The following OXCT1 variants were observed in gnomAD, a reference collection of about 807,000 sequenced individuals.
OXCT1 encodes the protein 3-oxoacid CoA-transferase 1.
OXCT1 carries 27 observed loss-of-function variants against 69.6 expected under a neutral mutation model. The observed-to-expected ratio is 0.39, with a 90% CI of 0.29 to 0.54. OXCT1 has a LOEUF of 0.54. Among genes scored for constraint, OXCT1 ranks in the 20% least tolerant of loss-of-function variants. OXCT1 has a pLI of 0.72. For synonymous variants in OXCT1, 202 were observed against 217.8 expected (o/e 0.93, Z 0.64); for missense variants, 437 against 650.2 (o/e 0.67, Z 3.57).
chr5:41,829,928 G>T (rs1277944067), intron 7 of OXCT1, among the ~76,000 whole-genome samples: 3 of 152,100 alleles, frequency 2.0e-5, no homozygotes, highest in Non-Finnish European at 4.4e-5. Context: ...GGAAACGAAT[G>T]AATTGTCTTT....
At chr5:41,769,886 G>A (rs956230575) in intron 13 of OXCT1, among the ~76,000 whole-genome samples, 11 of 152,154 alleles carry the variant, frequency 7.2e-5, no homozygotes, top group Non-Finnish European at 1.3e-4. Context: ...AGCCTCCCAA[G>A]TAGCTGGGGT....
At chr5:41,777,144 G>A (rs755170543) in intron 13 of OXCT1, among the ~76,000 whole-genome samples, 1 of 152,172 alleles carries the variant, frequency 6.6e-6, no homozygotes, top group Non-Finnish European at 1.5e-5. Flanking sequence ...GGGGCCGGGT[G>A]CGGTGGCTTA....
intron 7 of OXCT1, among the ~76,000 whole-genome samples, chr5:41,822,619 G>A (rs1171838022): frequency 6.6e-5 from 10 of 152,010 alleles, no homozygotes; most frequent in Non-Finnish European, 1.0e-4. Flanking sequence ...AATTACAGGC[G>A]TGTGCCACCA....
intron 13 of OXCT1, among the ~76,000 whole-genome samples, chr5:41,768,279 G>T (rs1744713054): frequency 6.6e-6 from 1 of 152,130 alleles, no homozygotes; most frequent in African/African-American, 2.4e-5. Context: ...AACCTTGCAA[G>T]AACAATCCTC....
In OXCT1 at chr5:41,799,003, C is replaced by T. The variant is rs1172802448; in HGVS notation, c.1099+2019G>A. ...GTATAACAAGGTTTCATTTGAGGTT[C>T]CAATGGTATAATACATGTGAAAAAG... is the stretch of plus-strand genomic sequence containing the variant. On this transcript the variant is annotated intron_variant, in intron 11 of 16. Transcript: ENST00000196371. Among the ~76,000 whole-genome samples the T allele has an allele frequency of 2.6e-5, 4 of 152,110 alleles. No individual in the cohort carries two copies. The South Asian group carries it at 8.3e-4, about 32-fold the overall frequency.
intron 14 of OXCT1, among the ~76,000 whole-genome samples, chr5:41,761,295 T>A (rs1744334373): frequency 6.6e-6 from 1 of 152,134 alleles, no homozygotes; most frequent in South Asian, 2.1e-4. Context: ...AGAGTTCTAC[T>A]AGTTCTAACA....
chr5:41,856,048 A>G (rs1055128575), intron 3 of OXCT1, among the ~76,000 whole-genome samples: 3 of 152,226 alleles, frequency 2.0e-5, no homozygotes, highest in African/African-American at 7.2e-5. Flanking sequence ...AGGCAGGACC[A>G]GTTGTGATCA....
rs3050894 is a variant in OXCT1, at chr5:41,859,864, A to AATATATATAT, written c.278+1440_278+1449dup. ...AACTATTATACCTGACTAGTATAGT[A>AATATATATAT]ATATATATATATATATATATATGTA... On this transcript the variant is annotated intron_variant, in intron 3 of 16. Coordinates refer to ENST00000196371, the MANE Select transcript of OXCT1 (RefSeq NM_000436.4). 3.2e-3 allele frequency among the ~76,000 whole-genome samples: 379 copies of AATATATATAT among 120,066 alleles called. 8 individuals carry two copies. The highest frequency in any genetic ancestry group is 4.5e-3 in the Non-Finnish European group (257 of 56,532). 78.8% of individuals were successfully genotyped at this position (120,066 alleles called of 152,430 possible).
intron 13 of OXCT1, among the ~76,000 whole-genome samples, chr5:41,777,828 C>T (rs1382061005): frequency 2.6e-5 from 4 of 152,176 alleles, no homozygotes; most frequent in African/African-American, 7.2e-5. Flanking sequence ...GCAGAAGTTA[C>T]ATTCAGGATG....
intron 14 of OXCT1, among the ~76,000 whole-genome samples, chr5:41,760,650 AAAGAGTTTTTTCC>A (rs1465911394): frequency 3.3e-4 from 50 of 152,286 alleles, no homozygotes; most frequent in Middle Eastern, 6.8e-3. Context: ...AGAAAGTCTG[AAAGAGTTTTTTCC>A]AAATAGACAT....
intron 13 of OXCT1, among the ~76,000 whole-genome samples, chr5:41,771,558 G>T (rs1184591195): frequency 2.6e-5 from 4 of 152,154 alleles, no homozygotes; most frequent in Non-Finnish European, 2.9e-5. Flanking sequence ...AGCTGCAGTT[G>T]CAGTTTTCAT....
chr5:41,798,798 T>C (rs1391823727), intron 11 of OXCT1, among the ~76,000 whole-genome samples: 1 of 152,188 alleles, frequency 6.6e-6, no homozygotes, highest in Non-Finnish European at 1.5e-5. Flanking sequence ...ATGGGACCTC[T>C]GGAACATTCC....
At chr5:41,747,173 A>C (rs1743535186) in intron 15 of OXCT1, among the ~76,000 whole-genome samples, 1 of 151,976 alleles carries the variant, frequency 6.6e-6, no homozygotes, top group African/African-American at 2.4e-5. Context: ...AGACATCTAC[A>C]TCCCTCCATT....
chr5:41,741,462 A>G (rs140365130), intron 15 of OXCT1, among the ~76,000 whole-genome samples: 1 of 152,312 alleles, frequency 6.6e-6, no homozygotes, highest in East Asian at 1.9e-4. Context: ...ATAAAAATGT[A>G]CTTCCCAAGA....
At chr5:41,761,819 G>A (rs1196931910) in intron 14 of OXCT1, among the ~76,000 whole-genome samples, 1 of 152,084 alleles carries the variant, frequency 6.6e-6, no homozygotes, top group East Asian at 1.9e-4. Context: ...TTCCTTTGGA[G>A]ATATTAAAGC....
Position 41,795,648 on chromosome 5 carries a change from T to G in OXCT1, c.1100-899A>C, listed in dbSNP as rs190260740. On this transcript the variant is annotated intron_variant, in intron 11 of 16. Coordinates refer to ENST00000196371, the MANE Select transcript of OXCT1 (RefSeq NM_000436.4). ...ATAAGAATAACTTCTGAGATGCTAA[T>G]GTACAGCATATAGTATTAACTATAG... 4.6e-5 allele frequency among the ~76,000 whole-genome samples: 7 copies of G among 152,228 alleles called. No individual in the cohort carries two copies. The East Asian group carries it at 1.4e-3, about 29-fold the overall frequency.
intron 13 of OXCT1, among the ~76,000 whole-genome samples, chr5:41,783,127 G>A (rs930006445): frequency 1.3e-5 from 2 of 152,186 alleles, no homozygotes; most frequent in African/African-American, 4.8e-5. Flanking sequence ...AAAATAATCT[G>A]AGGAAAAGGG....
intron 7 of OXCT1, among the ~76,000 whole-genome samples, chr5:41,835,010 T>G (rs1414600376): frequency 7.3e-6 from 1 of 136,450 alleles, no homozygotes; most frequent in Non-Finnish European, 1.6e-5. Context: ...ATGAAGAAAA[T>G]ACAAAAGAAC....
intron 9 of OXCT1, among the ~76,000 whole-genome samples, chr5:41,805,264 T>C (rs1223430974): frequency 6.6e-6 from 1 of 152,034 alleles, no homozygotes; most frequent in Non-Finnish European, 1.5e-5. Context: ...TCTTGGGTAA[T>C]CTCTTTTCCC....
Sources: gnomAD v4.1 joint callset for allele counts (sites outside exome capture counted in the v4.1 genomes callset) on GRCh38, gnomAD v4.1.1 for gene constraint, MANE v1.5 for transcripts, NCBI Gene and HGNC (gene_info 2026-07-23, HGNC 2026-07-21) for gene names.